The following PAM variants were observed in gnomAD, a reference collection of about 807,000 sequenced individuals.
The protein encoded by PAM is peptidylglycine alpha-amidating monooxygenase, also known as peptidyl-glycine alpha-amidating monooxygenase.
PAM carries 72 observed loss-of-function variants against 122.1 expected under a neutral mutation model. That is an observed-to-expected ratio of 0.59 (90% CI 0.49 to 0.72). PAM has a LOEUF of 0.72. PAM is among the 30% of genes least tolerant of loss of function. PAM has a pLI of 0.00. For missense variants in PAM, 1,106 were observed against 1,183.7 expected (o/e 0.93, Z 0.96); for synonymous variants, 389 against 404.4 (o/e 0.96, Z 0.46).
chr5:102,780,447 G>A (rs1758411728), intron 1 of PAM, among the ~76,000 whole-genome samples: 1 of 152,066 alleles, frequency 6.6e-6, no homozygotes, highest in Non-Finnish European at 1.5e-5. Flanking sequence ...AAAAATACTT[G>A]TGTTTTTATG....
intron 1 of PAM, among the ~76,000 whole-genome samples, chr5:102,836,588 T>C (rs897187820): frequency 5.3e-5 from 8 of 152,152 alleles, no homozygotes; most frequent in Admixed American, 2.6e-4. Context: ...GAGGGATTGA[T>C]GCCATGGGTG....
At chr5:102,868,825 C>T (rs940040245) in intron 3 of PAM, among the ~76,000 whole-genome samples, 1 of 152,030 alleles carries the variant, frequency 6.6e-6, no homozygotes, top group African/African-American at 2.4e-5. Context: ...ATTTAAATTA[C>T]TTAACAATAA....
chr5:102,779,918 T>TATATATACACACACACACAC (rs147065045), intron 1 of PAM, among the ~76,000 whole-genome samples: 2 of 95,674 alleles, frequency 2.1e-5, no homozygotes, highest in African/African-American at 9.1e-5. Context: ...TATATATATA[T>TATATATACACACACACACAC]ACACACATAT....
At chr5:102,764,704 T>G (rs1580781910) in intron 1 of PAM, among the ~76,000 whole-genome samples, 2 of 152,234 alleles carry the variant, frequency 1.3e-5, no homozygotes, top group South Asian at 4.2e-4. Context: ...TCAACTACAA[T>G]CCCAGGTTGC....
chr5:103,011,443 A>G (rs1204760887), intron 21 of PAM, among the ~76,000 whole-genome samples: 1 of 151,680 alleles, frequency 6.6e-6, no homozygotes, highest in African/African-American at 2.4e-5. Flanking sequence ...TCTGGTAACC[A>G]TCCTTCTGTA....
At chr5:102,899,813 T>C (rs1280912477) in intron 3 of PAM, among the ~76,000 whole-genome samples, 1 of 151,630 alleles carries the variant, frequency 6.6e-6, no homozygotes, top group African/African-American at 2.4e-5. Context: ...GGAGACCTTT[T>C]AGAAGCTGGG....
chr5:102,895,129 T>G (rs1795853670), intron 3 of PAM, among the ~76,000 whole-genome samples: 4 of 151,830 alleles, frequency 2.6e-5, no homozygotes, highest in Admixed American at 1.3e-4. Flanking sequence ...TTCCTCTGTC[T>G]GTGTGTACTG....
rs562296421 is a variant in PAM, at chr5:102,804,383, AAAG to A, written c.-374+49040_-374+49042del. On this transcript the variant is annotated intron_variant, in intron 1 of 25. Transcript: ENST00000438793. ...GCCAGAACATTATAAGATGCCTGATAAAGAAGACCTAAGCTAGAGGGGCAGTAG... is the reference window on the plus strand; with the variant it reads ...GCCAGAACATTATAAGATGCCTGATAAAGACCTAAGCTAGAGGGGCAGTAG... Among the ~76,000 whole-genome samples, 94 of 152,316 alleles carry A rather than the reference AAAG, an allele frequency of 6.2e-4. 2 individuals are homozygous for A. The South Asian group carries it at 0.018, about 30-fold the overall frequency.
intron 16 of PAM, among the ~76,000 whole-genome samples, chr5:102,993,951 T>TG (rs1374951907): frequency 1.3e-5 from 2 of 152,166 alleles, no homozygotes; most frequent in East Asian, 3.8e-4. Context: ...TGGCTTAGCC[T>TG]GTGTCTTTTG....
intron 3 of PAM, among the ~76,000 whole-genome samples, chr5:102,870,530 C>T (rs1787078342): frequency 6.6e-6 from 1 of 152,140 alleles, no homozygotes; most frequent in Admixed American, 6.5e-5. Flanking sequence ...AAATTTCTCC[C>T]ATTAAACTAG....
At chr5:102,968,111 T>C (rs1764677723) in intron 14 of PAM, among the ~76,000 whole-genome samples, 2 of 152,166 alleles carry the variant, frequency 1.3e-5, no homozygotes, top group Admixed American at 1.3e-4. Context: ...TGTTACGATA[T>C]GGACAAGATA....
chr5:102,895,507 T>G (rs2151324259), intron 3 of PAM, among the ~76,000 whole-genome samples: 1 of 151,766 alleles, frequency 6.6e-6, no homozygotes, highest in East Asian at 2.0e-4. Context: ...TGAAAGAGAT[T>G]TAAAGGTAGG....
At chr5:102,839,640 T>C (rs1414298536) in intron 1 of PAM, among the ~76,000 whole-genome samples, 2 of 152,106 alleles carry the variant, frequency 1.3e-5, no homozygotes. Context: ...TGAAATGTTA[T>C]AGAGGCTTGG....
intron 5 of PAM, among the ~76,000 whole-genome samples, chr5:102,924,491 C>A (rs1748693173): frequency 6.6e-6 from 1 of 151,706 alleles, no homozygotes. Flanking sequence ...TATTGCTCAC[C>A]CCACTGATGG....
chr5:102,967,730 T>TC (rs1764540360), intron 14 of PAM, among the ~76,000 whole-genome samples: 1 of 151,200 alleles, frequency 6.6e-6, no homozygotes, highest in Admixed American at 6.6e-5. Flanking sequence ...TTTTTTTTTT[T>TC]TTTGAGATGG....
chr5:102,966,615 C>T (rs1342375976), intron 14 of PAM, among the ~76,000 whole-genome samples: 3 of 152,078 alleles, frequency 2.0e-5, no homozygotes, highest in East Asian at 1.9e-4. Context: ...GACTTTAACC[C>T]GAAGGGAAAA....
chr5:103,012,447 G>A (rs1780886085), intron 21 of PAM, among the ~76,000 whole-genome samples: 1 of 152,156 alleles, frequency 6.6e-6, no homozygotes, highest in African/African-American at 2.4e-5. Context: ...TGTGTAAAGT[G>A]AGAGATAGGG....
At chr5:102,931,034 A>T (rs1187659784) in intron 7 of PAM, among the ~76,000 whole-genome samples, 1 of 152,162 alleles carries the variant, frequency 6.6e-6, no homozygotes, top group Non-Finnish European at 1.5e-5. Context: ...CATCTGTAAA[A>T]TGGTATCATA....
At chr5:102,764,748 GAACAGC>G (rs1753384267) in intron 1 of PAM, among the ~76,000 whole-genome samples, 1 of 152,156 alleles carries the variant, frequency 6.6e-6, no homozygotes, top group Admixed American at 6.5e-5. Context: ...ACAGCTACTA[GAACAGC>G]TTCCTTTACC....
Sources: allele counts gnomAD v4.1 joint callset (sites outside exome capture counted in the v4.1 genomes callset), GRCh38; gene constraint gnomAD v4.1.1; transcripts MANE v1.5; gene names NCBI Gene and HGNC (gene_info 2026-07-23, HGNC 2026-07-21).